SLC9B2: variants seen among roughly 807,000 people sequenced by gnomAD.
The protein encoded by SLC9B2 is solute carrier family 9 member B2.
A neutral mutation model predicts 52.2 loss-of-function variants in SLC9B2; 39 were observed. The observed-to-expected ratio is 0.75, with a 90% CI of 0.58 to 0.98. The LOEUF (loss-of-function observed/expected upper bound fraction) is 0.98. Ranked by LOEUF, SLC9B2 falls within the 50% of genes least tolerant of loss-of-function variation. SLC9B2 has a pLI of 0.00. For missense variants in SLC9B2, 626 were observed against 637.5 expected, an observed-to-expected ratio of 0.98 and a Z score of 0.19; for synonymous variants, 214 against 227.0, an observed-to-expected ratio of 0.94 and a Z score of 0.51.
At chr4:103,043,559 A>T in intron 8 of SLC9B2, 114 bp from the exon 9 acceptor site, 6 of 981,528 alleles carry the variant, frequency 6.1e-6, no homozygotes, top group Non-Finnish European at 8.8e-6. Context: ...TGTCTATATA[A>T]ATAGACAAAA....
rs548586331 is a variant in SLC9B2, at chr4:103,050,222, G to A, written c.585+18C>T. 2.1e-5 allele frequency: 33 copies of A among 1,540,320 alleles called. 1 individual carries two copies. In the South Asian group the frequency reaches 3.8e-4, roughly 18 times the overall value. On this transcript the variant is annotated intron_variant, in intron 5 of 11. Coordinates refer to ENST00000394785, the MANE Select transcript of SLC9B2 (RefSeq NM_178833.7). ...AAACAAGATTCCTATTTAATAATGA[G>A]AAATTTACATTTCATACCTTTGAAT...
intron 9 of SLC9B2, among the ~76,000 whole-genome samples, chr4:103,032,511 T>C (rs1236191431): frequency 6.6e-6 from 1 of 152,118 alleles, no homozygotes; most frequent in Non-Finnish European, 1.5e-5. Context: ...GGTAGCACCA[T>C]GTTAAACTTT....
intron 4 of SLC9B2, among the ~76,000 whole-genome samples, chr4:103,052,038 C>A (rs1016275402): frequency 6.6e-6 from 1 of 152,156 alleles, no homozygotes; most frequent in African/African-American, 2.4e-5. Context: ...TATTTAAGTG[C>A]CTGCTACATG....
chr4:103,020,462 C>T (rs1741706169), downstream of SLC9B2: 1 of 380,344 alleles, frequency 2.6e-6, no homozygotes, highest in Admixed American at 3.7e-5. Flanking sequence ...CCTTTCCTAT[C>T]TAATGTTTCT....
At chr4:103,021,600 AAGG>A (rs552251669), downstream of SLC9B2, among the ~76,000 whole-genome samples, 783 of 152,328 alleles carry the variant, frequency 5.1e-3, 8 homozygotes, top group African/African-American at 0.018. Context: ...TTTGAGGAAT[AAGG>A]AGAATCTTAA....
chr4:103,073,244 C>A (rs1308398973), intron 1 of SLC9B2, among the ~76,000 whole-genome samples: 1 of 152,068 alleles, frequency 6.6e-6, no homozygotes, highest in Non-Finnish European at 1.5e-5. Flanking sequence ...TGTATTCATG[C>A]CTTTGAAAGA....
At chr4:103,035,588 C>T (rs1163692601) in intron 9 of SLC9B2, among the ~76,000 whole-genome samples, 1 of 152,138 alleles carries the variant, frequency 6.6e-6, no homozygotes, top group Admixed American at 6.5e-5. Flanking sequence ...AATTAATTTA[C>T]ACTTCCACCA....
intron 1 of SLC9B2, among the ~76,000 whole-genome samples, chr4:103,070,557 C>T (rs943907388): frequency 1.3e-5 from 2 of 152,140 alleles, no homozygotes; most frequent in African/African-American, 2.4e-5. Context: ...TCTCCTGCCT[C>T]GGCCTTCTGA....
chr4:103,075,140 A>G (rs1436947479), intron 1 of SLC9B2, among the ~76,000 whole-genome samples: 1 of 152,076 alleles, frequency 6.6e-6, no homozygotes, highest in Admixed American at 6.5e-5. Context: ...ATCCCTTAAC[A>G]AGTTTCATTT....
intron 3 of SLC9B2, among the ~76,000 whole-genome samples, chr4:103,063,895 A>G (rs1745876057): frequency 6.6e-6 from 1 of 152,218 alleles, no homozygotes; most frequent in Non-Finnish European, 1.5e-5. Context: ...TGAATTTTTC[A>G]AAAGAAGACA....
chr4:103,027,462 G>A (rs1742325409), intron 11 of SLC9B2, among the ~76,000 whole-genome samples: 1 of 152,062 alleles, frequency 6.6e-6, no homozygotes, highest in Admixed American at 6.6e-5. Flanking sequence ...CACAGAATTT[G>A]GTGAAATGTT....
intron 4 of SLC9B2, among the ~76,000 whole-genome samples, chr4:103,053,133 A>C (rs1744838831): frequency 6.6e-6 from 1 of 152,080 alleles, no homozygotes; most frequent in South Asian, 2.1e-4. Flanking sequence ...GTGTTATGGA[A>C]ATTTTTTCAA....
chr4:103,045,072 G>T, intron 7 of SLC9B2, 76 bp from the exon 8 acceptor site: 1 of 920,834 alleles, frequency 1.1e-6, no homozygotes, highest in Non-Finnish European at 1.7e-6. Context: ...TCATCAACAT[G>T]AAGCATCTAA....
At chr4:103,038,065 T>C (rs1743327134) in intron 9 of SLC9B2, among the ~76,000 whole-genome samples, 1 of 152,082 alleles carries the variant, frequency 6.6e-6, no homozygotes, top group South Asian at 2.1e-4. Context: ...TTTTGTCATG[T>C]TGCCTAGGCT....
chr4:103,021,271 A>G (rs1482448393), downstream of SLC9B2, among the ~76,000 whole-genome samples: 3 of 152,160 alleles, frequency 2.0e-5, no homozygotes, highest in Admixed American at 6.5e-5. Context: ...CACATCAACA[A>G]ATGGAGTTTT....
chr4:103,058,049 A>G, intron 3 of SLC9B2, 78 bp from the exon 4 acceptor site: 1 of 1,262,392 alleles, frequency 7.9e-7, no homozygotes, highest in Non-Finnish European at 1.1e-6. Context: ...AATAATTTGT[A>G]AAAATAAATA....
intron 1 of SLC9B2, among the ~76,000 whole-genome samples, chr4:103,075,221 C>T (rs1747009498): frequency 6.6e-6 from 1 of 152,124 alleles, no homozygotes; most frequent in Admixed American, 6.5e-5. Context: ...ACAATCTTGG[C>T]TCACTGCAAC....
rs533075907 is a variant in SLC9B2, at chr4:103,031,422, T to C, written c.1255+278A>G. Among the ~76,000 whole-genome samples, 4 of 152,284 alleles carry C rather than the reference T, an allele frequency of 2.6e-5. No individual in the cohort carries two copies. In the East Asian group the frequency reaches 7.7e-4, roughly 29 times the overall value. On this transcript the variant is annotated intron_variant, in intron 10 of 11. Coordinates refer to ENST00000394785, the MANE Select transcript of SLC9B2 (RefSeq NM_178833.7). ...CCTTGGAAAAAGAATTGTTAAGGCCTGAATTTTCTGGGTAGTGGTCAGCAG... is the reference window on the plus strand; with the variant it reads ...CCTTGGAAAAAGAATTGTTAAGGCCCGAATTTTCTGGGTAGTGGTCAGCAG...
intron 1 of SLC9B2, among the ~76,000 whole-genome samples, chr4:103,069,845 G>A (rs7687554): frequency 0.018 from 2,702 of 152,244 alleles, 77 homozygotes; most frequent in African/African-American, 0.058. Flanking sequence ...TTAAATAGTC[G>A]TGAATTAGAA....
Sources: gnomAD v4.1 joint callset for allele counts (sites outside exome capture counted in the v4.1 genomes callset) on GRCh38, gnomAD v4.1.1 for gene constraint, MANE v1.5 for transcripts, NCBI Gene and HGNC (gene_info 2026-07-23, HGNC 2026-07-21) for gene names.